ZBTB25: variants seen among roughly 807,000 people sequenced by gnomAD.
The protein encoded by ZBTB25 is zinc finger and BTB domain-containing protein 25.
Under a neutral mutation model 34.2 loss-of-function variants are expected in ZBTB25, and 20 were observed. The observed-to-expected ratio is 0.58, with a 90% confidence interval of 0.41 to 0.85. The LOEUF (loss-of-function observed/expected upper bound fraction) is 0.85. Ranked by LOEUF, ZBTB25 falls within the 40% of genes least tolerant of loss-of-function variation. The pLI is 0.00. For missense variants in ZBTB25, 437 were observed against 521.8 expected (o/e 0.84, Z 1.58); for synonymous variants, 175 against 186.4 (o/e 0.94, Z 0.50).
intron 1 of ZBTB25, chr14:64,502,532 G>A (rs1440554646): frequency 1.7e-6 from 1 of 604,998 alleles, no homozygotes. Context: ...GGGGGGTGTA[G>A]GCTTTTAGTT....
Position 64,481,977 on chromosome 14 carries a change from C to T in ZBTB25, c.*4946G>A, listed in dbSNP as rs972438196. ...ATGGACATTTATCAAGTATCTGACT[C>T]ACAACATCAAGAATGTGCCTGTACA... On this transcript the variant is annotated 3_prime_UTR_variant, in exon 3 of 3. Transcript: ENST00000608382. 9.9e-5 allele frequency: 15 copies of T among 152,204 alleles called. No homozygotes were observed. Among genetic ancestry groups the T allele is most frequent in the African/African-American group, 3.6e-4 (15 of 41,446 alleles). The allele number at this position is 152,204 out of a possible 1,614,324, so 9.4% of individuals were successfully genotyped here.
chr14:64,493,844 C>CAAA (rs34544996), intron 1 of ZBTB25, among the ~76,000 whole-genome samples: 2 of 135,062 alleles, frequency 1.5e-5, no homozygotes, highest in South Asian at 2.4e-4. Context: ...GACCCCACCT[C>CAAA]AAAAAAAAAA....
chr14:64,494,465 T>C (rs1042764593), intron 1 of ZBTB25, among the ~76,000 whole-genome samples: 1 of 152,094 alleles, frequency 6.6e-6, no homozygotes, highest in Non-Finnish European at 1.5e-5. Context: ...AGACCCCGTC[T>C]CTACTCAAAA....
chr14:64,449,124 T>C, exon 3 of ZBTB25: 2 of 396,570 alleles, frequency 5.0e-6, no homozygotes, highest in South Asian at 4.3e-5. Context: ...TGCTAGTATT[T>C]ACTGATTCCT....
At chr14:64,456,205 T>A (rs891613840) in intron 2 of ZBTB25, among the ~76,000 whole-genome samples, 9 of 146,050 alleles carry the variant, frequency 6.2e-5, no homozygotes, top group Non-Finnish European at 3.1e-5. Flanking sequence ...AGACACAGCC[T>A]GCCGAACTCA....
intron 2 of ZBTB25, among the ~76,000 whole-genome samples, chr14:64,453,006 G>A (rs1414998832): frequency 1.3e-5 from 2 of 151,966 alleles, no homozygotes; most frequent in African/African-American, 4.8e-5. Flanking sequence ...TTACAGGGAT[G>A]AGCCACCATA....
At chr14:64,504,608 GGTGCCCCTA>G, upstream of ZBTB25, 1 of 285,366 alleles carries the variant, frequency 3.5e-6, no homozygotes, top group Non-Finnish European at 6.5e-6. Context: ...GGCGACCGCG[GGTGCCCCTA>G]GCAGCCAGCG....
At chr14:64,502,979 T>C (rs897354472) in intron 1 of ZBTB25, 5 of 985,432 alleles carry the variant, frequency 5.1e-6, no homozygotes, top group Non-Finnish European at 6.0e-6. Flanking sequence ...TTTAATCCCT[T>C]GGGGTGATGC....
intron 2 of ZBTB25, chr14:64,454,804 G>T (rs773261399): frequency 1.2e-6 from 2 of 1,614,186 alleles, no homozygotes. Context: ...TGTCCCTACA[G>T]GCTTCATTCT....
rs2079120808 is a variant in ZBTB25, at chr14:64,492,560, G to T, written c.-7-2020C>A. ...AACGTGTCTTAGAATCAATGAAATGGTTCATATTGAAGCATCTTAAACTAG... is the reference window on the plus strand; with the variant it reads ...AACGTGTCTTAGAATCAATGAAATGTTTCATATTGAAGCATCTTAAACTAG... On this transcript the variant is annotated intron_variant, in intron 1 of 2. Transcript: ENST00000608382. Among the ~76,000 whole-genome samples the T allele has an allele frequency of 2.0e-5, 3 of 150,394 alleles. No homozygotes were observed. In the South Asian group the frequency reaches 6.4e-4, roughly 32 times the overall value.
Position 64,485,531 on chromosome 14 carries a change from G to T in ZBTB25, c.*1392C>A, listed in dbSNP as rs1279149897. 3.6e-5 allele frequency: 35 copies of T among 985,070 alleles called. No individual in the cohort carries two copies. The highest frequency in any genetic ancestry group is 4.2e-5 in the Non-Finnish European group (35 of 829,884). 61.0% of individuals were successfully genotyped at this position (985,070 alleles called of 1,614,324 possible). ...TCTTTCATCAACTTTAATTTTCCTG[G>T]GGTTTTAGCTTTGTAAGTGTCACCA... is the stretch of plus-strand genomic sequence containing the variant. On this transcript the variant is annotated 3_prime_UTR_variant, in exon 3 of 3. Coordinates refer to ENST00000608382, the MANE Select transcript of ZBTB25 (RefSeq NM_006977.5).
downstream of ZBTB25, among the ~76,000 whole-genome samples, chr14:64,477,019 A>G (rs1223065430): frequency 6.6e-6 from 1 of 152,226 alleles, no homozygotes; most frequent in Non-Finnish European, 1.5e-5. Context: ...AGTTCTACCA[A>G]TTTTGACCAA....
chr14:64,458,206 CA>C, intron 2 of ZBTB25: 1 of 1,596,332 alleles, frequency 6.3e-7, no homozygotes, highest in South Asian at 1.1e-5. Flanking sequence ...TGCTTTTTTA[CA>C]TCCTAGATGA....
At chr14:64,496,400 GT>G (rs1355710588) in intron 1 of ZBTB25, among the ~76,000 whole-genome samples, 1 of 152,068 alleles carries the variant, frequency 6.6e-6, no homozygotes, top group Admixed American at 6.5e-5. Flanking sequence ...CAGGAGAACT[GT>G]TTGAACCGGG....
chr14:64,456,140 G>A (rs1004988190), intron 2 of ZBTB25, among the ~76,000 whole-genome samples: 1 of 152,220 alleles, frequency 6.6e-6, no homozygotes, highest in Non-Finnish European at 1.5e-5. Context: ...CAGTAGAGGT[G>A]AAAGCAAATC....
chr14:64,494,788 TAC>T (rs1393724516), intron 1 of ZBTB25, among the ~76,000 whole-genome samples: 2 of 151,984 alleles, frequency 1.3e-5, no homozygotes, highest in Non-Finnish European at 2.9e-5. Flanking sequence ...CTCTGAAACT[TAC>T]ATAGAGCACT....
intron 2 of ZBTB25, chr14:64,449,703 G>A: frequency 1.3e-6 from 2 of 1,513,748 alleles, no homozygotes; most frequent in Non-Finnish European, 1.8e-6. Flanking sequence ...TTCTATTAGA[G>A]CCCCATGCTT....
chr14:64,485,170 G>C lies in ZBTB25; in HGVS notation c.*1753C>G, dbSNP rs2078844690. ...AACTGTTTACCTAGAGAAAACCTTTGTGTCCTTAGAATTAGCTGGATTACT... is the reference window on the plus strand; with the variant it reads ...AACTGTTTACCTAGAGAAAACCTTTCTGTCCTTAGAATTAGCTGGATTACT... On this transcript the variant is annotated 3_prime_UTR_variant, in exon 3 of 3. Transcript: ENST00000608382. 1 of 985,282 alleles carries C rather than the reference G, an allele frequency of 1.0e-6. No homozygotes were observed. Among genetic ancestry groups the C allele is most frequent in the Non-Finnish European group, 1.2e-6 (1 of 829,926 alleles). 61.0% of individuals were successfully genotyped at this position (985,282 alleles called of 1,614,324 possible). A position where few individuals can be genotyped will look rare whatever the true frequency, so the allele number is the denominator to read the frequency against.
chr14:64,498,236 G>T (rs1308897910), intron 1 of ZBTB25, among the ~76,000 whole-genome samples: 1 of 151,860 alleles, frequency 6.6e-6, no homozygotes, highest in Non-Finnish European at 1.5e-5. Flanking sequence ...ATGCAGAGCT[G>T]TATTGATGTC....
Sources: gnomAD v4.1 joint callset for allele counts (sites outside exome capture counted in the v4.1 genomes callset) on GRCh38, gnomAD v4.1.1 for gene constraint, MANE v1.5 for transcripts, NCBI Gene and HGNC (gene_info 2026-07-23, HGNC 2026-07-21) for gene names.